Variants in HS2ST1 observed in about 807,000 individuals in gnomAD.
HS2ST1 encodes 2-O-sulfotransferase.
A neutral mutation model predicts 42.9 loss-of-function variants in HS2ST1; 18 were observed. The observed-to-expected ratio is 0.42, with a 90% confidence interval of 0.29 to 0.62. The LOEUF (loss-of-function observed/expected upper bound fraction) is 0.62, where lower values mean the gene tolerates loss of function less well. Ranked by LOEUF, HS2ST1 falls within the 20% of genes least tolerant of loss-of-function variation. HS2ST1 has a pLI of 0.21. For missense variants in HS2ST1, 334 were observed against 433.8 expected (o/e 0.77, Z 2.04); for synonymous variants, 146 against 152.9 (o/e 0.95, Z 0.33).
chr1:86,997,687 CTGA>C (rs1415757699), intron 1 of HS2ST1, among the ~76,000 whole-genome samples: 126 of 152,188 alleles, frequency 8.3e-4, no homozygotes, highest in Non-Finnish European at 4.3e-4. Flanking sequence ...CAGTAGATGC[CTGA>C]AACCACAGCT....
chr1:87,077,053 AT>A (rs1298827914), intron 2 of HS2ST1, among the ~76,000 whole-genome samples: 2 of 152,200 alleles, frequency 1.3e-5, no homozygotes, highest in East Asian at 3.8e-4. Context: ...GCAGATTCAG[AT>A]TCAGAAGGAC....
chr1:87,076,176 A>G (rs781225157), intron 2 of HS2ST1, among the ~76,000 whole-genome samples: 21 of 152,194 alleles, frequency 1.4e-4, no homozygotes, highest in Admixed American at 1.2e-3. Flanking sequence ...ACTGACTTCT[A>G]AAGTGTCAGT....
Position 86,945,072 on chromosome 1 carries a change from C to G in HS2ST1, c.124+29912C>G, listed in dbSNP as rs143472826. 6.3e-4 allele frequency among the ~76,000 whole-genome samples: 96 copies of G among 152,204 alleles called. No homozygotes were observed. The East Asian group carries it at 0.017, about 27-fold the overall frequency. Reference sequence around the variant, plus strand: ...ATAGTATGTTTCCCTTTGATCACCACCAGCAAGCTTCGGGGGTCAGACTGA... The same window carrying G: ...ATAGTATGTTTCCCTTTGATCACCAGCAGCAAGCTTCGGGGGTCAGACTGA... On this transcript the variant is annotated intron_variant, in intron 1 of 6. Transcript: ENST00000370550.
At chr1:87,018,155 CACACACACAG>C (rs1294836634) in intron 1 of HS2ST1, among the ~76,000 whole-genome samples, 5 of 133,734 alleles carry the variant, frequency 3.7e-5, no homozygotes, top group African/African-American at 1.2e-4. Flanking sequence ...CACACACACA[CACACACACAG>C]ACACACACAC....
intron 5 of HS2ST1, among the ~76,000 whole-genome samples, chr1:87,103,118 C>CA (rs1294800288): frequency 6.6e-6 from 1 of 152,186 alleles, no homozygotes; most frequent in African/African-American, 2.4e-5. Flanking sequence ...AGTTAAAACA[C>CA]ACACTAAATC....
chr1:86,959,674 CTA>C (rs1189650480), intron 1 of HS2ST1, among the ~76,000 whole-genome samples: 12 of 151,916 alleles, frequency 7.9e-5, no homozygotes, highest in Non-Finnish European at 1.2e-4. Flanking sequence ...AAATAAAAGA[CTA>C]TAGCAGTGTT....
At chr1:86,972,530 C>G (rs572866165) in intron 1 of HS2ST1, among the ~76,000 whole-genome samples, 1 of 152,176 alleles carries the variant, frequency 6.6e-6, no homozygotes, top group East Asian at 1.9e-4. Flanking sequence ...ATTATTGTTG[C>G]TGTTAATCTC....
intron 1 of HS2ST1, among the ~76,000 whole-genome samples, chr1:87,065,536 G>A (rs951525882): frequency 6.6e-6 from 1 of 152,202 alleles, no homozygotes; most frequent in Admixed American, 6.5e-5. Flanking sequence ...CCTAGGAGCT[G>A]TTTTGTTTTT....
intron 3 of HS2ST1, among the ~76,000 whole-genome samples, chr1:87,089,736 T>C (rs528861699): frequency 6.6e-6 from 1 of 152,158 alleles, no homozygotes; most frequent in South Asian, 2.1e-4. Flanking sequence ...TCAAAATGAG[T>C]TCACAGATTA....
At chr1:87,102,892 A>C (rs1241246488) in intron 5 of HS2ST1, among the ~76,000 whole-genome samples, 1 of 152,216 alleles carries the variant, frequency 6.6e-6, no homozygotes. Flanking sequence ...AGTATAGTTT[A>C]TTTTGGATCA....
At chr1:86,998,482 C>T (rs1249033457) in intron 1 of HS2ST1, among the ~76,000 whole-genome samples, 2 of 152,140 alleles carry the variant, frequency 1.3e-5, no homozygotes, top group Non-Finnish European at 1.5e-5. Context: ...TTTATTGTCT[C>T]GAGTGACATA....
At chr1:87,016,589 T>C (rs560470664) in intron 1 of HS2ST1, among the ~76,000 whole-genome samples, 8 of 152,372 alleles carry the variant, frequency 5.3e-5, no homozygotes, top group African/African-American at 1.9e-4. Context: ...ATTTGGGTTA[T>C]ATGTAACTGG....
chr1:87,108,904 T>C lies in HS2ST1; in HGVS notation c.*4208T>C, dbSNP rs537179688. The C allele has an allele frequency of 6.6e-6, 1 of 152,670 alleles. No homozygotes were observed. The highest frequency in any genetic ancestry group is 6.5e-5 in the Admixed American group (1 of 15,276). The allele number at this position is 152,670 out of a possible 1,614,324, so 9.5% of individuals were successfully genotyped here. On this transcript the variant is annotated 3_prime_UTR_variant, in exon 7 of 7. Coordinates refer to ENST00000370550, the MANE Select transcript of HS2ST1 (RefSeq NM_012262.4). ...GGAAACATGGATTGTGTATTTTGACTTTTATTTTATAAATACACAGCTCAA... is the reference window on the plus strand; with the variant it reads ...GGAAACATGGATTGTGTATTTTGACCTTTATTTTATAAATACACAGCTCAA...
chr1:87,100,429 C>T (rs2100655971), intron 5 of HS2ST1, among the ~76,000 whole-genome samples: 1 of 152,278 alleles, frequency 6.6e-6, no homozygotes, highest in Admixed American at 6.5e-5. Context: ...GGACCCTGGG[C>T]CTGCCCCCTT....
At chr1:87,015,375 T>G in intron 1 of HS2ST1, among the ~76,000 whole-genome samples, 2 of 112,870 alleles carry the variant, frequency 1.8e-5, no homozygotes, top group African/African-American at 6.9e-5. Flanking sequence ...TGAGACAGAG[T>G]CTCGTTCCGT....
intron 3 of HS2ST1, among the ~76,000 whole-genome samples, chr1:87,089,700 T>A (rs192012529): frequency 4.3e-4 from 65 of 152,158 alleles, no homozygotes; most frequent in Non-Finnish European, 8.4e-4. Flanking sequence ...GTTCCCTAAG[T>A]TACATATCAT....
intron 1 of HS2ST1, among the ~76,000 whole-genome samples, chr1:86,999,699 C>T (rs1327899214): frequency 6.6e-6 from 1 of 152,050 alleles, no homozygotes; most frequent in African/African-American, 2.4e-5. Flanking sequence ...GCTTTCCCCC[C>T]CAACTTACTT....
At chr1:87,064,422 TAGTGAAACATA>T in intron 1 of HS2ST1, 1 of 514,186 alleles carries the variant, frequency 1.9e-6, no homozygotes, top group Non-Finnish European at 3.9e-6. Context: ...GAAGGGGCAA[TAGTGAAACATA>T]AGTCTACTCC....
At chr1:87,068,869 T>C (rs1048776086) in intron 1 of HS2ST1, among the ~76,000 whole-genome samples, 2 of 152,216 alleles carry the variant, frequency 1.3e-5, no homozygotes, top group African/African-American at 4.8e-5. Context: ...TTAAAATTTT[T>C]TTTTAAGAGA....
Sources: allele counts gnomAD v4.1 joint callset (sites outside exome capture counted in the v4.1 genomes callset), GRCh38; gene constraint gnomAD v4.1.1; transcripts MANE v1.5; gene names NCBI Gene and HGNC (gene_info 2026-07-23, HGNC 2026-07-21).